SNX29: variants seen among roughly 807,000 people sequenced by gnomAD.
SNX29 encodes sorting nexin 29.
SNX29 carries 78 observed loss-of-function variants against 102.1 expected under a neutral mutation model. The ratio of observed to expected loss-of-function variants is 0.76; its 90% CI spans 0.64 to 0.92. The LOEUF (loss-of-function observed/expected upper bound fraction) is 0.92, where lower values mean the gene tolerates loss of function less well. Ranked by LOEUF, SNX29 falls within the 40% of genes least tolerant of loss-of-function variation. The pLI is 0.00. For missense variants in SNX29, 1,280 were observed against 1,061.7 expected, an observed-to-expected ratio of 1.21 and a Z score of -2.86; for synonymous variants, 580 against 414.5, an observed-to-expected ratio of 1.40 and a Z score of -4.85.
At position 12,573,344 on chromosome 16, in the gene SNX29, A is replaced by G. The variant is rs1361527457; in HGVS notation, c.*4715A>G. 1 of 225,374 alleles carries G rather than the reference A, an allele frequency of 4.4e-6. No individual in the cohort carries two copies. The highest frequency in any genetic ancestry group is 8.8e-6 in the Non-Finnish European group (1 of 113,194). 14.0% of individuals were successfully genotyped at this position (225,374 alleles called of 1,614,324 possible). The stretch of plus-strand genomic sequence containing the variant: ...CTCTGAATTATGTCATGGAGTAGAC[A>G]GTTACTTCTAAATCCCAGCAACCAA... On this transcript the variant is annotated 3_prime_UTR_variant, in exon 21 of 21. Coordinates refer to ENST00000566228, the MANE Select transcript of SNX29 (RefSeq NM_032167.5).
chr16:12,557,023 C>CACCCT (rs1555458249), intron 20 of SNX29, among the ~76,000 whole-genome samples: 1 of 120,798 alleles, frequency 8.3e-6, no homozygotes, highest in Non-Finnish European at 1.8e-5. Context: ...TTACCCCCCC[C>CACCCT]CCGCCCCAAG....
chr16:12,437,928 C>G (rs1369787809), intron 18 of SNX29, among the ~76,000 whole-genome samples: 1 of 152,150 alleles, frequency 6.6e-6, no homozygotes, highest in Non-Finnish European at 1.5e-5. Flanking sequence ...CCCAGGGCCC[C>G]AGCGGTCCAT....
At chr16:12,071,244 C>A (rs1202608586) in intron 10 of SNX29, among the ~76,000 whole-genome samples, 1 of 152,184 alleles carries the variant, frequency 6.6e-6, no homozygotes, top group Non-Finnish European at 1.5e-5. Flanking sequence ...AGTCCTTGCC[C>A]ATGCCTATGT....
At chr16:11,979,142 G>A (rs1383446263) in intron 1 of SNX29, among the ~76,000 whole-genome samples, 1 of 151,292 alleles carries the variant, frequency 6.6e-6, no homozygotes, top group African/African-American at 2.4e-5. Context: ...GGGCATAGTG[G>A]CAGGCGCCTG....
intron 15 of SNX29, among the ~76,000 whole-genome samples, chr16:12,307,591 C>T (rs1405635656): frequency 2.0e-5 from 3 of 152,150 alleles, no homozygotes; most frequent in African/African-American, 4.8e-5. Flanking sequence ...CTGCTTAATG[C>T]CTAGGCCAAG....
At chr16:12,556,769 G>A (rs1018163261) in intron 20 of SNX29, among the ~76,000 whole-genome samples, 22 of 152,114 alleles carry the variant, frequency 1.4e-4, no homozygotes, top group African/African-American at 5.1e-4. Flanking sequence ...CCAGAGTTCT[G>A]GTTTGAGCAT....
intron 18 of SNX29, among the ~76,000 whole-genome samples, chr16:12,441,240 A>T (rs1597388916): frequency 6.6e-6 from 1 of 151,732 alleles, no homozygotes; most frequent in African/African-American, 2.4e-5. Flanking sequence ...GGCGCCTGCC[A>T]CTGCACCCGG....
intron 14 of SNX29, among the ~76,000 whole-genome samples, chr16:12,260,433 T>G (rs1304710753): frequency 6.6e-6 from 1 of 152,244 alleles, no homozygotes; most frequent in African/African-American, 2.4e-5. Context: ...ATTCTTGGCT[T>G]TGGGCTTCCT....
Position 12,524,688 on chromosome 16 carries a change from T to G in SNX29, c.2179-14T>G. 1 of 1,612,238 alleles carries G rather than the reference T, an allele frequency of 6.2e-7. No individual in the cohort carries two copies. The highest frequency in any genetic ancestry group is 8.5e-7 in the Non-Finnish European group (1 of 1,178,954). On this transcript the variant is annotated splice_polypyrimidine_tract_variant and intron_variant, in intron 19 of 20. Coordinates refer to ENST00000566228, the MANE Select transcript of SNX29 (RefSeq NM_032167.5). ...GAAGACGTACCAAAGCGAAGATGTT[T>G]TGTGTTTCCTCAGGATGCCAAGTTT...
At chr16:12,233,777 G>A (rs1244171663) in intron 14 of SNX29, among the ~76,000 whole-genome samples, 1 of 151,906 alleles carries the variant, frequency 6.6e-6, no homozygotes, top group African/African-American at 2.4e-5. Flanking sequence ...CCACCCCAGG[G>A]CCTGGCAAGC....
In SNX29 at chr16:12,568,369, G is replaced by C. The variant is rs561678917; in HGVS notation, c.2319-137G>C. 136 of 1,184,372 alleles carry C rather than the reference G, an allele frequency of 1.1e-4. 1 individual carries two copies. The African/African-American group carries it at 1.7e-3, about 15-fold the overall frequency. The allele number at this position is 1,184,372 out of a possible 1,614,324, so 73.4% of individuals were successfully genotyped here. ...TTTCTCATTTCTTCAGGTGGCACCA[G>C]TTAGAGGCAGATCCAATGAGCCAGT... On this transcript the variant is annotated intron_variant, in intron 20 of 20. Transcript: ENST00000566228.
At chr16:12,476,933 A>G (rs2087682491) in intron 18 of SNX29, among the ~76,000 whole-genome samples, 1 of 152,162 alleles carries the variant, frequency 6.6e-6, no homozygotes, top group Admixed American at 6.5e-5. Context: ...ACAGCCCTTT[A>G]TCCTTGGGGA....
intron 15 of SNX29, among the ~76,000 whole-genome samples, chr16:12,301,922 T>C (rs2080186051): frequency 6.6e-6 from 1 of 152,228 alleles, no homozygotes; most frequent in African/African-American, 2.4e-5. Context: ...TTACCTAACA[T>C]TGCGGCTGCT....
intron 10 of SNX29, among the ~76,000 whole-genome samples, chr16:12,069,921 G>T (rs1366893854): frequency 4.0e-5 from 6 of 151,490 alleles, no homozygotes; most frequent in African/African-American, 1.5e-4. Context: ...CTCGTGATCC[G>T]CCCGCCTCGG....
Position 12,143,645 on chromosome 16 carries a change from T to A in SNX29, c.1595+13887T>A, listed in dbSNP as rs143523827. ...GGTTAAGCACATTGAATACCCTGCG[T>A]AAGTACTGAGTAACAGACAGCCATG... On this transcript the variant is annotated intron_variant, in intron 13 of 20. Transcript: ENST00000566228. Among the ~76,000 whole-genome samples the A allele has an allele frequency of 5.5e-3, 834 of 152,202 alleles. 10 individuals are homozygous for A. The highest frequency in any genetic ancestry group is 0.019 in the African/African-American group (791 of 41,476).
chr16:12,504,089 C>G (rs1303490736), intron 19 of SNX29, among the ~76,000 whole-genome samples: 1 of 152,158 alleles, frequency 6.6e-6, no homozygotes, highest in Non-Finnish European at 1.5e-5. Flanking sequence ...CTAGCAACCA[C>G]TCATCTGTTT....
chr16:12,567,459 C>G (rs981047841), intron 20 of SNX29, among the ~76,000 whole-genome samples: 1 of 152,160 alleles, frequency 6.6e-6, no homozygotes, highest in African/African-American at 2.4e-5. Context: ...ATTTATGTGT[C>G]CCCTTATCTA....
intron 19 of SNX29, among the ~76,000 whole-genome samples, chr16:12,524,381 G>A (rs942784741): frequency 3.3e-5 from 5 of 151,788 alleles, no homozygotes; most frequent in African/African-American, 1.2e-4. Context: ...ACAGCAGTGT[G>A]TTCATTGTTC....
chr16:12,465,141 T>C (rs886636661), intron 18 of SNX29, among the ~76,000 whole-genome samples: 1 of 152,220 alleles, frequency 6.6e-6, no homozygotes, highest in Admixed American at 6.5e-5. Flanking sequence ...TTATCAGATA[T>C]GGGGGTTGCA....
Sources: allele counts gnomAD v4.1 joint callset (sites outside exome capture counted in the v4.1 genomes callset), GRCh38; gene constraint gnomAD v4.1.1; transcripts MANE v1.5; gene names NCBI Gene and HGNC (gene_info 2026-07-23, HGNC 2026-07-21).